The following GMDS variants were observed in gnomAD, a reference collection of about 807,000 sequenced individuals.
GMDS encodes the protein GDP-mannose 4,6-dehydratase, also known as GDP-mannose 4,6 dehydratase.
A neutral mutation model predicts 49.9 loss-of-function variants in GMDS; 20 were observed. The observed-to-expected ratio is 0.40, with a 90% CI of 0.28 to 0.58. The LOEUF (loss-of-function observed/expected upper bound fraction) is 0.58. Ranked by LOEUF, GMDS falls within the 20% of genes least tolerant of loss-of-function variation. The pLI is 0.42. For synonymous variants in GMDS, 177 were observed against 178.6 expected (o/e 0.99, Z 0.07); for missense variants, 362 against 481.4 (o/e 0.75, Z 2.32).
intron 4 of GMDS, among the ~76,000 whole-genome samples, chr6:1,967,019 G>A (rs1374831795): frequency 6.6e-6 from 1 of 151,926 alleles, no homozygotes; most frequent in Admixed American, 6.6e-5. Flanking sequence ...CCCCCACTAC[G>A]ACGATGCAGC....
chr6:1,627,206 T>TTC (rs1342927940), intron 9 of GMDS, among the ~76,000 whole-genome samples: 3 of 152,224 alleles, frequency 2.0e-5, no homozygotes, highest in Non-Finnish European at 4.4e-5. Flanking sequence ...CACTTAACTG[T>TTC]TCCTGAAGGA....
chr6:1,842,374 C>T (rs1481702575), intron 7 of GMDS, among the ~76,000 whole-genome samples: 1 of 152,242 alleles, frequency 6.6e-6, no homozygotes, highest in African/African-American at 2.4e-5. Context: ...ACTCCTCTGA[C>T]TGGCAAATAG....
In GMDS at chr6:1,821,360, C is replaced by T. The variant is rs957029120; in HGVS notation, c.772-78774G>A. ...GCTGAATTCAACACTGCCAGGGGAG[C>T]CGCGGCTGGTGGGTGGGGACGGGGG... On this transcript the variant is annotated intron_variant, in intron 7 of 10. Transcript: ENST00000380815. 2.6e-5 allele frequency among the ~76,000 whole-genome samples: 4 copies of T among 152,112 alleles called. No individual in the cohort carries two copies. In the East Asian group the frequency reaches 7.8e-4, roughly 29 times the overall value.
At chr6:2,020,156 T>C (rs907178831) in intron 4 of GMDS, among the ~76,000 whole-genome samples, 59 of 152,300 alleles carry the variant, frequency 3.9e-4, no homozygotes, top group African/African-American at 1.3e-3. Context: ...TATATATGTA[T>C]GACTGATGCT....
At chr6:2,030,765 CTG>C (rs964381490) in intron 4 of GMDS, among the ~76,000 whole-genome samples, 9 of 152,070 alleles carry the variant, frequency 5.9e-5, no homozygotes, top group African/African-American at 9.7e-5. Flanking sequence ...CATAGTAAAA[CTG>C]TTATAAAGTG....
chr6:2,102,110 G>C (rs1055173912), intron 4 of GMDS, among the ~76,000 whole-genome samples: 2 of 152,032 alleles, frequency 1.3e-5, no homozygotes, highest in Non-Finnish European at 2.9e-5. Flanking sequence ...GTAAGATGTA[G>C]TCACGTAAAC....
chr6:1,796,884 C>A (rs1769753876), intron 7 of GMDS, among the ~76,000 whole-genome samples: 1 of 152,172 alleles, frequency 6.6e-6, no homozygotes, highest in South Asian at 2.1e-4. Context: ...TACAGTAAGT[C>A]AGTAAAAAAG....
intron 7 of GMDS, among the ~76,000 whole-genome samples, chr6:1,808,946 T>G (rs1770298139): frequency 6.6e-6 from 1 of 152,084 alleles, no homozygotes; most frequent in Non-Finnish European, 1.5e-5. Context: ...ACACATCCAT[T>G]ATTTACCTAT....
chr6:2,174,891 G>T (rs1199981014), intron 1 of GMDS, among the ~76,000 whole-genome samples: 1 of 152,064 alleles, frequency 6.6e-6, no homozygotes, highest in Non-Finnish European at 1.5e-5. Context: ...GTTTCTAAAG[G>T]CTCAACCACA....
chr6:1,984,754 G>T (rs1197825782), intron 4 of GMDS, among the ~76,000 whole-genome samples: 1 of 152,168 alleles, frequency 6.6e-6, no homozygotes, highest in Non-Finnish European at 1.5e-5. Flanking sequence ...AGAGCTTTCG[G>T]GTGAAGTTCA....
chr6:1,800,644 A>G (rs1329292799), intron 7 of GMDS, among the ~76,000 whole-genome samples: 3 of 150,160 alleles, frequency 2.0e-5, no homozygotes, highest in East Asian at 1.9e-4. Context: ...TTTTTTTTTA[A>G]GCAGAGATGG....
chr6:1,879,550 A>G (rs1056510716), intron 7 of GMDS, among the ~76,000 whole-genome samples: 1 of 152,182 alleles, frequency 6.6e-6, no homozygotes, highest in Admixed American at 6.5e-5. Context: ...TTGAAGACAG[A>G]AACCTATTCT....
In GMDS at chr6:2,028,982, AT is replaced by A. The variant is rs1163863580; in HGVS notation, c.346-68017del. On this transcript the variant is annotated intron_variant, in intron 4 of 10. Coordinates refer to ENST00000380815, the MANE Select transcript of GMDS (RefSeq NM_001500.4). The stretch of plus-strand genomic sequence containing the variant: ...ACAAGATAGATGGCTCTGCTGGGTG[AT>A]TTTTTTTCTTTCTTTCTTTTTTTTT... 3.7e-4 allele frequency among the ~76,000 whole-genome samples: 56 copies of A among 149,592 alleles called. 1 individual carries two copies. Among genetic ancestry groups the A allele is most frequent in the African/African-American group, 1.3e-3 (53 of 40,722 alleles).
intron 4 of GMDS, among the ~76,000 whole-genome samples, chr6:2,090,937 TA>T (rs1287850661): frequency 1.3e-5 from 2 of 152,238 alleles, no homozygotes; most frequent in Non-Finnish European, 2.9e-5. Context: ...CAAGCTTTTA[TA>T]AAAGCACACT....
chr6:1,624,743 C>A lies in GMDS; in HGVS notation c.988-203G>T, dbSNP rs1412377564. 1.1e-5 allele frequency: 5 copies of A among 459,888 alleles called. No individual in the cohort carries two copies. The East Asian group carries it at 1.7e-4, about 16-fold the overall frequency. 28.5% of individuals were successfully genotyped at this position (459,888 alleles called of 1,614,324 possible). ...AGGTCGCGGTTAAGAATGTGCTGTG[C>A]GGACCCGTGAGGACCGTGACCGCGA... is the stretch of plus-strand genomic sequence containing the variant. On this transcript the variant is annotated intron_variant, in intron 9 of 10. Coordinates refer to ENST00000380815, the MANE Select transcript of GMDS (RefSeq NM_001500.4).
chr6:1,629,892 C>G (rs1043344355), intron 9 of GMDS, among the ~76,000 whole-genome samples: 1 of 152,112 alleles, frequency 6.6e-6, no homozygotes, highest in Non-Finnish European at 1.5e-5. Context: ...CAGAAACCAG[C>G]GACAAAGTCC....
intron 4 of GMDS, among the ~76,000 whole-genome samples, chr6:2,045,011 T>C (rs1769915771): frequency 6.6e-6 from 1 of 152,200 alleles, no homozygotes; most frequent in Admixed American, 6.5e-5. Context: ...TAAAGGCTTA[T>C]AAAATGATGA....
At chr6:2,090,675 T>C (rs1228808730) in intron 4 of GMDS, among the ~76,000 whole-genome samples, 2 of 152,178 alleles carry the variant, frequency 1.3e-5, no homozygotes, top group African/African-American at 4.8e-5. Context: ...ACCAAAAGTT[T>C]TTGGAATGGT....
At chr6:1,889,059 A>C (rs988696696) in intron 7 of GMDS, among the ~76,000 whole-genome samples, 1 of 152,218 alleles carries the variant, frequency 6.6e-6, no homozygotes, top group Admixed American at 6.5e-5. Flanking sequence ...AGTATTTAAA[A>C]ATATATATGT....
Sources: gnomAD v4.1 joint callset for allele counts (sites outside exome capture counted in the v4.1 genomes callset) on GRCh38, gnomAD v4.1.1 for gene constraint, MANE v1.5 for transcripts, NCBI Gene and HGNC (gene_info 2026-07-23, HGNC 2026-07-21) for gene names.